The following ANXA3 variants were observed in gnomAD, a reference collection of about 807,000 sequenced individuals.
ANXA3 encodes annexin A3.
ANXA3 carries 46 observed loss-of-function variants against 48.8 expected under a neutral mutation model. That is an observed-to-expected ratio of 0.94 (90% CI 0.74 to 1.21). The LOEUF (loss-of-function observed/expected upper bound fraction) is 1.21. ANXA3 is among the 50% of genes most tolerant of loss of function. ANXA3 has a pLI of 0.00. For synonymous variants in ANXA3, 128 were observed against 134.7 expected (o/e 0.95, Z 0.35); for missense variants, 383 against 378.6 (o/e 1.01, Z -0.10).
At chr4:78,559,088 C>T (rs938660993) in intron 2 of ANXA3, among the ~76,000 whole-genome samples, 1 of 151,820 alleles carries the variant, frequency 6.6e-6, no homozygotes, top group African/African-American at 2.4e-5. Context: ...TTCTTTATTT[C>T]TTTATTTTTT....
chr4:78,563,506 A>G (rs1560440757), intron 2 of ANXA3, among the ~76,000 whole-genome samples: 1 of 150,356 alleles, frequency 6.7e-6, no homozygotes, highest in Non-Finnish European at 1.5e-5. Context: ...CTTTTAAAAG[A>G]GGTCTGAGGG....
At chr4:78,591,705 A>C in intron 7 of ANXA3, 82 bp downstream of exon 7, 1 of 989,930 alleles carries the variant, frequency 1.0e-6, no homozygotes, top group Non-Finnish European at 1.6e-6. Context: ...AAAATAACCA[A>C]ACTGAGACAA....
Position 78,576,520 on chromosome 4 carries a change from C to T in ANXA3, c.104-2507C>T, listed in dbSNP as rs1722958320. On this transcript the variant is annotated intron_variant, in intron 3 of 12. Transcript: ENST00000264908. The stretch of plus-strand genomic sequence containing the variant: ...CTATGTTGCCCACGCTAGTCTTGGA[C>T]TCCTGGGCTCAAGTAATCCTTCTGC... Among the ~76,000 whole-genome samples the T allele has an allele frequency of 3.9e-5, 6 of 152,094 alleles. No individual in the cohort carries two copies. The South Asian group carries it at 1.0e-3, about 26-fold the overall frequency.
intron 2 of ANXA3, among the ~76,000 whole-genome samples, chr4:78,568,245 G>A (rs896615143): frequency 2.6e-5 from 4 of 152,106 alleles, no homozygotes; most frequent in Non-Finnish European, 5.9e-5. Flanking sequence ...CTTTGGTTTT[G>A]AAAAATGCTT....
At chr4:78,587,824 T>C (rs1723208623) in intron 6 of ANXA3, among the ~76,000 whole-genome samples, 1 of 152,218 alleles carries the variant, frequency 6.6e-6, no homozygotes, top group African/African-American at 2.4e-5. Context: ...CCGGGTGCGG[T>C]GACTCACGCC....
intron 2 of ANXA3, 60 bp from the exon 3 acceptor site, chr4:78,573,120 T>C (rs1325310531): frequency 1.7e-6 from 2 of 1,211,288 alleles, no homozygotes; most frequent in Middle Eastern, 1.9e-4. Flanking sequence ...GGAATATGCA[T>C]ATGTAATACA....
chr4:78,604,797 CT>C (rs1723614755), intron 12 of ANXA3, among the ~76,000 whole-genome samples: 1 of 152,148 alleles, frequency 6.6e-6, no homozygotes, highest in African/African-American at 2.4e-5. Flanking sequence ...GCTTAGAGTG[CT>C]TTTCATTTCA....
At chr4:78,593,529 C>A (rs1283721994) in intron 7 of ANXA3, among the ~76,000 whole-genome samples, 1 of 150,456 alleles carries the variant, frequency 6.6e-6, no homozygotes, top group Non-Finnish European at 1.5e-5. Flanking sequence ...TTTAAATAAA[C>A]TTTACTTTTT....
chr4:78,553,305 C>T (rs1332358339), intron 1 of ANXA3, among the ~76,000 whole-genome samples: 4 of 152,112 alleles, frequency 2.6e-5, no homozygotes, highest in Admixed American at 6.6e-5. Flanking sequence ...GATGATTGTG[C>T]GGCTTGTATT....
At chr4:78,569,937 A>G (rs1722809859) in intron 2 of ANXA3, among the ~76,000 whole-genome samples, 1 of 152,210 alleles carries the variant, frequency 6.6e-6, no homozygotes, top group African/African-American at 2.4e-5. Flanking sequence ...CACCTCATGA[A>G]GGCTCTTGTA....
At position 78,604,257 on chromosome 4, in the gene ANXA3, A is replaced by T; in HGVS notation, c.790-20A>T. The T allele has an allele frequency of 6.3e-7, 1 of 1,586,568 alleles. No individual in the cohort carries two copies. On this transcript the variant is annotated intron_variant, in intron 11 of 12. Coordinates refer to ENST00000264908, the MANE Select transcript of ANXA3 (RefSeq NM_005139.3). ...GTGACCAATGACATTTGTGTTGTGA[A>T]CACCTGCATTCCTTAACAGGGTATT...
At chr4:78,562,116 A>C (rs1030516158) in intron 2 of ANXA3, among the ~76,000 whole-genome samples, 3 of 152,248 alleles carry the variant, frequency 2.0e-5, no homozygotes, top group African/African-American at 7.2e-5. Context: ...CTGGTAAATC[A>C]GAGGTAAAGA....
intron 11 of ANXA3, chr4:78,602,007 C>G (rs1227653028): frequency 6.5e-6 from 1 of 153,460 alleles, no homozygotes; most frequent in East Asian, 1.9e-4. Flanking sequence ...TTTTAGGAGG[C>G]CCAGGCGGGT....
chr4:78,553,574 A>G (rs559374374), intron 1 of ANXA3, among the ~76,000 whole-genome samples: 3 of 152,356 alleles, frequency 2.0e-5, no homozygotes, highest in African/African-American at 4.8e-5. Flanking sequence ...AGAATAGTTT[A>G]TCTGGCTGTA....
chr4:78,584,733 G>T (rs1240912513), intron 5 of ANXA3, among the ~76,000 whole-genome samples: 1 of 152,216 alleles, frequency 6.6e-6, no homozygotes, highest in Non-Finnish European at 1.5e-5. Flanking sequence ...GGACATATGG[G>T]CATCTGAGAA....
intron 12 of ANXA3, among the ~76,000 whole-genome samples, chr4:78,605,433 C>A (rs1351572011): frequency 1.3e-5 from 2 of 152,244 alleles, no homozygotes; most frequent in Non-Finnish European, 1.5e-5. Context: ...TTTTTACATT[C>A]TTTGTCCACA....
intron 10 of ANXA3, among the ~76,000 whole-genome samples, chr4:78,598,245 A>C (rs1318076851): frequency 1.3e-5 from 2 of 151,156 alleles, no homozygotes; most frequent in Admixed American, 6.6e-5. Context: ...AATCCACCAT[A>C]TTTGGTTATT....
intron 2 of ANXA3, among the ~76,000 whole-genome samples, chr4:78,566,853 A>AT (rs1489512636): frequency 3.3e-5 from 5 of 152,130 alleles, no homozygotes; most frequent in African/African-American, 1.2e-4. Flanking sequence ...AAGTATGAAT[A>AT]TTTTTTCTTT....
intron 2 of ANXA3, among the ~76,000 whole-genome samples, chr4:78,557,351 C>T (rs537411894): frequency 2.0e-5 from 3 of 152,256 alleles, no homozygotes; most frequent in South Asian, 2.1e-4. Context: ...TTTAAGGGTG[C>T]GTGTGATTAA....
Sources: gnomAD v4.1 joint callset for allele counts (sites outside exome capture counted in the v4.1 genomes callset) on GRCh38, gnomAD v4.1.1 for gene constraint, MANE v1.5 for transcripts, NCBI Gene and HGNC (gene_info 2026-07-23, HGNC 2026-07-21) for gene names.